The following BRWD1 variants were observed in gnomAD, a reference collection of about 807,000 sequenced individuals.
BRWD1 encodes the protein bromodomain and WD repeat domain containing 1.
In BRWD1, 82 loss-of-function variants were observed where a neutral mutation model predicts 251.2. The observed-to-expected ratio is 0.33, with a 90% CI of 0.27 to 0.39. The LOEUF (loss-of-function observed/expected upper bound fraction) is 0.39. Among genes scored for constraint, BRWD1 ranks in the 10% least tolerant of loss-of-function variants. BRWD1 has a pLI of 1.00. For missense variants in BRWD1, 2,233 were observed against 2,711.6 expected (o/e 0.82, Z 3.92); for synonymous variants, 918 against 902.8 (o/e 1.02, Z -0.30).
chr21:39,278,007 G>A (rs2035331265), intron 10 of BRWD1, among the ~76,000 whole-genome samples: 1 of 151,994 alleles, frequency 6.6e-6, no homozygotes, highest in Admixed American at 6.6e-5. Context: ...ACCATGCCCA[G>A]ATAATTTTTG....
At chr21:39,268,767 A>ACT (rs2035007347) in intron 15 of BRWD1, among the ~76,000 whole-genome samples, 1 of 152,170 alleles carries the variant, frequency 6.6e-6, no homozygotes, top group African/African-American at 2.4e-5. Flanking sequence ...CAGATGGATC[A>ACT]TGAGGTCAAG....
rs1294724280 is a variant in BRWD1 at position 39,306,072 on chromosome 21, C to CTT, written c.198+6767_198+6768dup. 4.6e-3 allele frequency among the ~76,000 whole-genome samples: 626 copies of CTT among 136,426 alleles called. 10 individuals are homozygous for CTT. Among genetic ancestry groups the CTT allele is most frequent in the African/African-American group, 0.016 (596 of 37,046 alleles). The allele number at this position is 136,426 out of a possible 152,430, so 89.5% of individuals were successfully genotyped here. On this transcript the variant is annotated intron_variant, in intron 4 of 40. Transcript: ENST00000342449. ...ATTGAGACTAGTTATCTTTAAGTAT[C>CTT]TTTTTTTTTTTTTTTTGAGACCGAG... is the stretch of plus-strand genomic sequence containing the variant.
chr21:39,313,891 C>G, upstream of BRWD1: 1 of 322,650 alleles, frequency 3.1e-6, no homozygotes, highest in Admixed American at 5.1e-5. Flanking sequence ...AGGCGGCTGC[C>G]CGGGCTTTGT....
At position 39,187,521 on chromosome 21, in the gene BRWD1, A is replaced by G. The variant is rs2031309973; in HGVS notation, c.*8738T>C. ...ACACTCATTCGGAAACAATAAATTTAAAAGTCATATTGCTAAATGATAAAT... is the reference window on the plus strand; with the variant it reads ...ACACTCATTCGGAAACAATAAATTTGAAAGTCATATTGCTAAATGATAAAT... On this transcript the variant is annotated 3_prime_UTR_variant, in exon 41 of 41. Transcript: ENST00000342449. 7.0e-7 allele frequency: 1 copy of G among 1,423,346 alleles called. No individual in the cohort carries two copies. The highest frequency in any genetic ancestry group is 9.2e-7 in the Non-Finnish European group (1 of 1,091,944). The allele number at this position is 1,423,346 out of a possible 1,614,324, so 88.2% of individuals were successfully genotyped here. A position where few individuals can be genotyped will look rare whatever the true frequency, so the allele number is the denominator to read the frequency against.
chr21:39,283,683 G>GT (rs1422280752), intron 8 of BRWD1, among the ~76,000 whole-genome samples: 12 of 151,954 alleles, frequency 7.9e-5, no homozygotes, highest in Non-Finnish European at 4.4e-5. Flanking sequence ...ATTTGTTTTT[G>GT]TTTTTTTAGT....
At chr21:39,209,788 C>T in intron 36 of BRWD1, 1 of 425,306 alleles carries the variant, frequency 2.4e-6, no homozygotes, top group East Asian at 3.7e-5. Context: ...TTATGATAAA[C>T]ATCAACTGAT....
In BRWD1 at chr21:39,312,998, G is replaced by T. The variant is rs1250481876; in HGVS notation, c.138+74C>A. ...GCGGGCGGCGGGCGGCGGGCGGGGG[G>T]CGCGGGCGAGCATCCCTCAGGGCAA... On this transcript the variant is annotated intron_variant, in intron 3 of 40. Transcript: ENST00000342449. The T allele has an allele frequency of 1.2e-5, 14 of 1,130,690 alleles. No individual in the cohort carries two copies. In the South Asian group the frequency reaches 5.2e-4, roughly 42 times the overall value. 70.0% of individuals were successfully genotyped at this position (1,130,690 alleles called of 1,614,324 possible).
At chr21:39,250,248 G>T (rs2034350950) in intron 20 of BRWD1, among the ~76,000 whole-genome samples, 1 of 151,938 alleles carries the variant, frequency 6.6e-6, no homozygotes, top group Non-Finnish European at 1.5e-5. Context: ...GCCCCAGAAG[G>T]CTGCCAGAAG....
In BRWD1 at chr21:39,188,950, T is replaced by G. The variant is rs552942504; in HGVS notation, c.*7309A>C. On this transcript the variant is annotated 3_prime_UTR_variant, in exon 41 of 41. Coordinates refer to ENST00000342449, the MANE Select transcript of BRWD1 (RefSeq NM_033656.4). ...GGCATTACTCTCATGCAGCATGCCC[T>G]TACCTCCTTCAGCTGGACTCTGTGG... The G allele has an allele frequency of 2.0e-6, 2 of 985,364 alleles. No homozygotes were observed. Among genetic ancestry groups the G allele is most frequent in the South Asian group, 9.4e-5 (2 of 21,286 alleles). The allele number at this position is 985,364 out of a possible 1,614,324, so 61.0% of individuals were successfully genotyped here.
chr21:39,252,474 A>G (rs1029787995), intron 19 of BRWD1, among the ~76,000 whole-genome samples: 1 of 152,172 alleles, frequency 6.6e-6, no homozygotes, highest in African/African-American at 2.4e-5. Flanking sequence ...AAATTTTTAA[A>G]TACTCTTCAT....
chr21:39,262,397 TAA>T (rs2034781031), intron 17 of BRWD1, among the ~76,000 whole-genome samples: 1 of 152,128 alleles, frequency 6.6e-6, no homozygotes, highest in South Asian at 2.1e-4. Flanking sequence ...AGCACCACAC[TAA>T]GTCAAAGAAG....
intron 20 of BRWD1, among the ~76,000 whole-genome samples, chr21:39,249,531 T>A (rs1434586518): frequency 1.3e-5 from 2 of 152,196 alleles, no homozygotes. Context: ...TTAGTTTTTT[T>A]AAAAGGCATG....
At chr21:39,287,784 T>C (rs2035687576) in intron 8 of BRWD1, among the ~76,000 whole-genome samples, 1 of 147,748 alleles carries the variant, frequency 6.8e-6, no homozygotes, top group African/African-American at 2.7e-5. Flanking sequence ...TTCTTGTTTG[T>C]TCTTCTCCTA....
rs1359998581 is a variant in BRWD1 at position 39,276,165 on chromosome 21, A to C, written c.1145+8T>G. ...ACACACACACACACATACAAAACAC[A>C]CACTTACCGATCACCATTGTTACAA... On this transcript the variant is annotated splice_region_variant and intron_variant, in intron 12 of 40. Transcript: ENST00000342449. 3.1e-6 allele frequency: 5 copies of C among 1,606,072 alleles called. No individual in the cohort carries two copies. In the South Asian group the frequency reaches 5.5e-5, roughly 18 times the overall value.
Position 39,306,914 on chromosome 21 carries a change from C to T in BRWD1, c.198+5927G>A, listed in dbSNP as rs191858785. 3.2e-3 allele frequency among the ~76,000 whole-genome samples: 495 copies of T among 152,314 alleles called. 2 individuals are homozygous for T. Among genetic ancestry groups the T allele is most frequent in the Middle Eastern group, 0.02 (6 of 294 alleles). ...TGTTGCCTAGGCCGGAGTGCAATGG[C>T]TTGATCTCAGACCATTGCAACCTCT... On this transcript the variant is annotated intron_variant, in intron 4 of 40. Coordinates refer to ENST00000342449, the MANE Select transcript of BRWD1 (RefSeq NM_033656.4).
intron 14 of BRWD1, 27 bp downstream of exon 14, chr21:39,270,256 T>C (rs755493917): frequency 1.3e-6 from 2 of 1,512,388 alleles, no homozygotes; most frequent in South Asian, 1.3e-5. Flanking sequence ...AAATCTCATT[T>C]GTTACACTGT....
intron 8 of BRWD1, among the ~76,000 whole-genome samples, chr21:39,289,020 T>A (rs2035727232): frequency 6.6e-6 from 1 of 152,238 alleles, no homozygotes; most frequent in African/African-American, 2.4e-5. Context: ...TCTGGCTTAA[T>A]TACACTGTTG....
At chr21:39,317,181 G>T (rs1327288896), upstream of BRWD1, 1 of 152,214 alleles carries the variant, frequency 6.6e-6, no homozygotes, top group Admixed American at 6.5e-5. Context: ...TCCTTAGTGG[G>T]TACCCACCAG....
At chr21:39,290,210 T>C (rs1197107743) in intron 8 of BRWD1, among the ~76,000 whole-genome samples, 1 of 151,068 alleles carries the variant, frequency 6.6e-6, no homozygotes, top group Non-Finnish European at 1.5e-5. Context: ...CCCACTGAGG[T>C]TGGGCGAGGT....
Sources: allele counts gnomAD v4.1 joint callset (sites outside exome capture counted in the v4.1 genomes callset), GRCh38; gene constraint gnomAD v4.1.1; transcripts MANE v1.5; gene names NCBI Gene and HGNC (gene_info 2026-07-23, HGNC 2026-07-21).